PLAAT3: variants seen among roughly 807,000 people sequenced by gnomAD.
The protein encoded by PLAAT3 is Ca-independent phospholipase A1/2.
In PLAAT3, 21 loss-of-function variants were observed where a neutral mutation model predicts 16.7. The observed-to-expected ratio is 1.26, with a 90% confidence interval of 0.89 to 1.81. PLAAT3 has a LOEUF of 1.81. PLAAT3 is among the 40% of genes most tolerant of loss of function. PLAAT3 has a pLI of 0.00. For missense variants in PLAAT3, 219 were observed against 213.7 expected (o/e 1.02, Z -0.16); for synonymous variants, 76 against 81.7 (o/e 0.93, Z 0.38).
At chr11:63,578,592 G>T (rs1443884783) in intron 4 of PLAAT3, among the ~76,000 whole-genome samples, 4 of 151,928 alleles carry the variant, frequency 2.6e-5, no homozygotes, top group Non-Finnish European at 4.4e-5. Flanking sequence ...TCTGATCTTT[G>T]ACAAACCTGA....
chr11:63,589,979 A>C, intron 4 of PLAAT3, 121 bp downstream of exon 4: 5 of 927,448 alleles, frequency 5.4e-6, no homozygotes, highest in Admixed American at 2.1e-5. Context: ...TGACATCCTC[A>C]AGGGCAGTAA....
intron 4 of PLAAT3, among the ~76,000 whole-genome samples, chr11:63,577,330 C>A (rs1201096417): frequency 6.6e-6 from 1 of 152,150 alleles, no homozygotes; most frequent in Non-Finnish European, 1.5e-5. Context: ...CGCCACCACG[C>A]CCAGCTAATT....
intron 2 of PLAAT3, among the ~76,000 whole-genome samples, chr11:63,607,795 G>C (rs1004453716): frequency 6.6e-6 from 1 of 151,954 alleles, no homozygotes; most frequent in Non-Finnish European, 1.5e-5. Flanking sequence ...GGCAGGGCAG[G>C]GGCTTCCACT....
chr11:63,606,245 G>C (rs1278685391), intron 2 of PLAAT3, among the ~76,000 whole-genome samples: 1 of 152,080 alleles, frequency 6.6e-6, no homozygotes, highest in Non-Finnish European at 1.5e-5. Flanking sequence ...CTGTGATCAG[G>C]GCGTGGAGCT....
At chr11:63,575,489 T>C (rs1398930742) in intron 4 of PLAAT3, among the ~76,000 whole-genome samples, 1 of 152,234 alleles carries the variant, frequency 6.6e-6, no homozygotes, top group Non-Finnish European at 1.5e-5. Flanking sequence ...TTCATCACTG[T>C]ATCCCCAGTG....
intron 4 of PLAAT3, among the ~76,000 whole-genome samples, chr11:63,585,918 C>A (rs1349337051): frequency 6.6e-6 from 1 of 152,126 alleles, no homozygotes; most frequent in African/African-American, 2.4e-5. Context: ...TATTTAATTA[C>A]TCCAAATAGC....
At chr11:63,591,053 G>T (rs768854379) in intron 3 of PLAAT3, among the ~76,000 whole-genome samples, 1 of 152,168 alleles carries the variant, frequency 6.6e-6, no homozygotes, top group African/African-American at 2.4e-5. Context: ...CCTGTGTGGC[G>T]CAGGGAGAGG....
chr11:63,598,705 T>G (rs1318952297), intron 2 of PLAAT3: 1 of 518,232 alleles, frequency 1.9e-6, no homozygotes, highest in Admixed American at 1.9e-5. Flanking sequence ...GCTGCCCACC[T>G]GGGGTCCATG....
chr11:63,615,256 A>G (rs1379234491), upstream of PLAAT3, among the ~76,000 whole-genome samples: 6 of 41,388 alleles, frequency 1.4e-4, no homozygotes, highest in African/African-American at 4.0e-4. Context: ...ATGTGTGTGT[A>G]TATATATGTG....
intron 4 of PLAAT3, among the ~76,000 whole-genome samples, chr11:63,583,077 C>T (rs1396352821): frequency 6.6e-6 from 1 of 151,932 alleles, no homozygotes; most frequent in African/African-American, 2.4e-5. Flanking sequence ...TTGCAGTGAG[C>T]CGAGATCACA....
At chr11:63,603,077 A>G (rs1938470001) in intron 2 of PLAAT3, among the ~76,000 whole-genome samples, 1 of 152,226 alleles carries the variant, frequency 6.6e-6, no homozygotes, top group African/African-American at 2.4e-5. Context: ...TGGGCAACAG[A>G]GCAAGACTCT....
At chr11:63,585,149 C>T (rs1395111936) in intron 4 of PLAAT3, among the ~76,000 whole-genome samples, 2 of 151,820 alleles carry the variant, frequency 1.3e-5, no homozygotes, top group African/African-American at 4.8e-5. Flanking sequence ...CTCAGCCTCC[C>T]GAGTAGCCGG....
At chr11:63,577,619 T>C (rs1220782640) in intron 4 of PLAAT3, among the ~76,000 whole-genome samples, 3 of 152,016 alleles carry the variant, frequency 2.0e-5, no homozygotes, top group Admixed American at 6.5e-5. Flanking sequence ...TTAACAACTA[T>C]AGCTTCTCAG....
intron 4 of PLAAT3, among the ~76,000 whole-genome samples, chr11:63,588,493 C>T (rs1938043845): frequency 6.6e-6 from 1 of 152,082 alleles, no homozygotes; most frequent in Non-Finnish European, 1.5e-5. Flanking sequence ...CACTGCATCA[C>T]CTTTTTAACC....
chr11:63,606,431 C>A (rs1349088803), intron 2 of PLAAT3, among the ~76,000 whole-genome samples: 1 of 150,018 alleles, frequency 6.7e-6, no homozygotes, highest in Non-Finnish European at 1.5e-5. Flanking sequence ...ATAAAACACA[C>A]ACACACACAC....
chr11:63,595,980 G>A (rs112476350), intron 3 of PLAAT3, among the ~76,000 whole-genome samples: 3,898 of 151,864 alleles, frequency 0.026, 144 homozygotes, highest in African/African-American at 0.088. Context: ...AGTGGCTCAC[G>A]CCTGTAATCC....
At chr11:63,593,476 A>T (rs979844855) in intron 3 of PLAAT3, among the ~76,000 whole-genome samples, 5 of 152,204 alleles carry the variant, frequency 3.3e-5, no homozygotes, top group Non-Finnish European at 7.3e-5. Flanking sequence ...AGGAGGGGAG[A>T]AGAGAAAGAC....
chr11:63,591,613 T>C (rs1938155521), intron 3 of PLAAT3, among the ~76,000 whole-genome samples: 1 of 152,152 alleles, frequency 6.6e-6, no homozygotes, highest in Non-Finnish European at 1.5e-5. Context: ...AGATTTCAGG[T>C]CCTGCTCTTC....
rs1406897164 is a variant in PLAAT3 at position 63,603,225 on chromosome 11, C to T, written c.16-5062G>A. On this transcript the variant is annotated intron_variant, in intron 2 of 4. Transcript: ENST00000415826. The stretch of plus-strand genomic sequence containing the variant: ...CTGCCTTGTCAGGTAGTTCTCTGTT[C>T]CAGGATCAAGGTCAGGGCCAGCAGA... 2.6e-5 allele frequency among the ~76,000 whole-genome samples: 4 copies of T among 152,278 alleles called. No individual in the cohort carries two copies. The East Asian group carries it at 7.7e-4, about 29-fold the overall frequency.
Sources: allele counts gnomAD v4.1 joint callset (sites outside exome capture counted in the v4.1 genomes callset), GRCh38; gene constraint gnomAD v4.1.1; transcripts MANE v1.5; gene names NCBI Gene and HGNC (gene_info 2026-07-23, HGNC 2026-07-21).